Variants in CDH17 observed in about 807,000 individuals in gnomAD.
CDH17 encodes the protein cadherin-17.
In CDH17, 67 loss-of-function variants were observed where a neutral mutation model predicts 86.3. That is an observed-to-expected ratio of 0.78 (90% CI 0.64 to 0.95). The LOEUF (loss-of-function observed/expected upper bound fraction) is 0.95, where lower values mean the gene tolerates loss of function less well. CDH17 is among the 40% of genes least tolerant of loss of function. The probability of loss-of-function intolerance (pLI) is 0.00; values close to 1 mark genes in which losing one functional copy is unlikely to be tolerated. For missense variants in CDH17, 993 were observed against 1,017.6 expected (o/e 0.98, Z 0.33); for synonymous variants, 367 against 366.4 (o/e 1.00, Z -0.02).
chr8:94,132,000 C>T (rs1812430490), intron 15 of CDH17, among the ~76,000 whole-genome samples: 1 of 152,140 alleles, frequency 6.6e-6, no homozygotes, highest in African/African-American at 2.4e-5. Context: ...CTGCAAAGGA[C>T]ATGGACTCAT....
At chr8:94,204,513 A>T (rs961854280) in intron 1 of CDH17, among the ~76,000 whole-genome samples, 1 of 152,154 alleles carries the variant, frequency 6.6e-6, no homozygotes, top group African/African-American at 2.4e-5. Context: ...TCCATGGTGT[A>T]TATGTGCCAC....
chr8:94,132,851 T>C (rs1211087191), intron 15 of CDH17, among the ~76,000 whole-genome samples: 2 of 152,204 alleles, frequency 1.3e-5, no homozygotes, highest in Non-Finnish European at 2.9e-5. Flanking sequence ...GTGTAAGGTG[T>C]AAGGAATGGA....
At chr8:94,143,579 G>T (rs563975201) in intron 15 of CDH17, among the ~76,000 whole-genome samples, 2 of 152,202 alleles carry the variant, frequency 1.3e-5, no homozygotes, top group South Asian at 4.1e-4. Flanking sequence ...TCTCCCAAAA[G>T]AAGGCTGTTT....
At chr8:94,190,458 A>G (rs1047504270) in intron 2 of CDH17, among the ~76,000 whole-genome samples, 1 of 152,192 alleles carries the variant, frequency 6.6e-6, no homozygotes, top group African/African-American at 2.4e-5. Context: ...ACGGGAAGGG[A>G]CAGCCAGTCA....
chr8:94,143,330 G>C lies in CDH17; in HGVS notation c.2167+2598C>G, dbSNP rs142948988. 2.3e-3 allele frequency among the ~76,000 whole-genome samples: 357 copies of C among 152,328 alleles called. 2 individuals are homozygous for C. The highest frequency in any genetic ancestry group is 3.1e-3 in the Non-Finnish European group (210 of 68,028). On this transcript the variant is annotated intron_variant, in intron 15 of 17. Transcript: ENST00000027335. ...CTCAACAGTGGCCTTAAAGTATTCAGTAAACTATGCTGTAAACAGATGTGC... is the reference window on the plus strand; with the variant it reads ...CTCAACAGTGGCCTTAAAGTATTCACTAAACTATGCTGTAAACAGATGTGC...
intron 1 of CDH17, among the ~76,000 whole-genome samples, chr8:94,207,205 A>T (rs564817338): frequency 6.6e-6 from 1 of 152,344 alleles, no homozygotes; most frequent in South Asian, 2.1e-4. Context: ...ATAATGGTAG[A>T]TGCTATTTTT....
intron 13 of CDH17, 102 bp downstream of exon 13, chr8:94,151,766 C>T: frequency 1.4e-6 from 2 of 1,452,688 alleles, no homozygotes; most frequent in South Asian, 1.2e-5. Flanking sequence ...GCTGGGTATG[C>T]TGTGAGGGTC....
intron 1 of CDH17, among the ~76,000 whole-genome samples, chr8:94,204,818 C>A (rs930358723): frequency 1.3e-5 from 2 of 152,138 alleles, no homozygotes. Flanking sequence ...GGAGAAGAGG[C>A]CTCTCCTCCA....
intron 15 of CDH17, among the ~76,000 whole-genome samples, chr8:94,144,012 T>G (rs960613297): frequency 5.3e-5 from 8 of 152,242 alleles, no homozygotes; most frequent in Non-Finnish European, 1.2e-4. Context: ...GCCTAGTTTT[T>G]GGCCAATCTT....
chr8:94,155,675 C>T (rs542153459), intron 12 of CDH17, among the ~76,000 whole-genome samples: 69 of 152,142 alleles, frequency 4.5e-4, no homozygotes, highest in Non-Finnish European at 7.3e-4. Context: ...GACTGTACGG[C>T]GAGCTGAGGA....
chr8:94,200,788 A>G (rs1481692672), intron 1 of CDH17, among the ~76,000 whole-genome samples: 1 of 151,906 alleles, frequency 6.6e-6, no homozygotes, highest in Non-Finnish European at 1.5e-5. Context: ...CTGGATCTGC[A>G]TCCAGCCCGG....
In CDH17 at chr8:94,168,301, G is replaced by GTTT. The variant is rs34513341; in HGVS notation, c.1066+2093_1066+2095dup. ...CCACCACACCTGGGTAATTTTTGCA[G>GTTT]TTTTTTTTTTTTTTTTTAGTAGAGA... is the stretch of plus-strand genomic sequence containing the variant. On this transcript the variant is annotated intron_variant, in intron 9 of 17. Coordinates refer to ENST00000027335, the MANE Select transcript of CDH17 (RefSeq NM_004063.4). Among the ~76,000 whole-genome samples the GTTT allele has an allele frequency of 2.6e-3, 320 of 121,620 alleles. 5 individuals are homozygous for GTTT. Among genetic ancestry groups the GTTT allele is most frequent in the African/African-American group, 8.0e-3 (256 of 31,882 alleles). The allele number at this position is 121,620 out of a possible 152,430, so 79.8% of individuals were successfully genotyped here. A position where few individuals can be genotyped will look rare whatever the true frequency, so the allele number is the denominator to read the frequency against.
chr8:94,177,170 G>C (rs576379363), intron 4 of CDH17, among the ~76,000 whole-genome samples: 20 of 152,282 alleles, frequency 1.3e-4, no homozygotes, highest in Admixed American at 1.2e-3. Context: ...CTGGCTACTG[G>C]TTCCCTCTGC....
intron 1 of CDH17, among the ~76,000 whole-genome samples, chr8:94,216,316 G>C (rs1252429507): frequency 6.6e-6 from 1 of 152,122 alleles, no homozygotes; most frequent in African/African-American, 2.4e-5. Flanking sequence ...CCCTTGCCTT[G>C]GGTGGTCCAC....
In CDH17 at chr8:94,146,052, A is replaced by G; in HGVS notation, c.2043T>C (p.Ser681=). 1 of 1,613,900 alleles carries G rather than the reference A, an allele frequency of 6.2e-7. No homozygotes were observed. Among genetic ancestry groups the G allele is most frequent in the Non-Finnish European group, 8.5e-7 (1 of 1,179,918 alleles). ...YTGLFFCHPL[S]APGSLIFEAT... ...CCTCGAAAATGAGACTTCCAGGTGC[A>G]CTGAGGGGATGGCAGAAGAACAAGC... The change falls in exon 15 of 18, where the codon AGT becomes AGC. Residue 681 remains serine (S), a synonymous_variant. Transcript: ENST00000027335.
At chr8:94,172,555 G>A (rs1167861439) in intron 7 of CDH17, among the ~76,000 whole-genome samples, 1 of 152,052 alleles carries the variant, frequency 6.6e-6, no homozygotes, top group African/African-American at 2.4e-5. Flanking sequence ...ACAAAACACT[G>A]AAGTATTATC....
intron 9 of CDH17, among the ~76,000 whole-genome samples, chr8:94,168,320 G>A (rs1237353823): frequency 9.3e-6 from 1 of 107,826 alleles, no homozygotes; most frequent in Non-Finnish European, 2.0e-5. Flanking sequence ...TTTTTTTTTA[G>A]TAGAGACAGG....
chr8:94,211,722 T>C (rs1303329018), upstream of CDH17, among the ~76,000 whole-genome samples: 1 of 152,246 alleles, frequency 6.6e-6, no homozygotes, highest in Non-Finnish European at 1.5e-5. Context: ...ACATTCAGAA[T>C]ATTTTATCAT....
At chr8:94,192,233 G>A (rs1813703010) in intron 2 of CDH17, among the ~76,000 whole-genome samples, 1 of 152,212 alleles carries the variant, frequency 6.6e-6, no homozygotes, top group African/African-American at 2.4e-5. Flanking sequence ...AGTGCATGTG[G>A]ACACTGTGAA....
Sources: gnomAD v4.1 joint callset for allele counts (sites outside exome capture counted in the v4.1 genomes callset) on GRCh38, gnomAD v4.1.1 for gene constraint, MANE v1.5 for transcripts, NCBI Gene and HGNC (gene_info 2026-07-23, HGNC 2026-07-21) for gene names.